The following SAMMSON variants were observed in gnomAD, a reference collection of about 807,000 sequenced individuals.
The protein encoded by SAMMSON is survival associated mitochondrial melanoma specific oncogenic non-coding RNA.
rs572530663 is a variant in SAMMSON, at chr3:70,423,731, T to C, written n.234-38829T>C. 2.6e-5 allele frequency among the ~76,000 whole-genome samples: 4 copies of C among 152,268 alleles called. No individual in the cohort carries two copies. The East Asian group carries it at 7.7e-4, about 29-fold the overall frequency. On this transcript the variant is annotated intron_variant and non_coding_transcript_variant, in intron 2 of 3. Transcript: ENST00000641053. ...GTAGGACTTCTTGGAACTCTGTATGTTTGGGGGTTAGGAAGAACAGAATGG... is the reference window on the plus strand; with the variant it reads ...GTAGGACTTCTTGGAACTCTGTATGCTTGGGGGTTAGGAAGAACAGAATGG...
rs1398205731 is a variant in SAMMSON, at chr3:70,004,237, C to T, written n.22+4370C>T. Among the ~76,000 whole-genome samples, 5 of 152,028 alleles carry T rather than the reference C, an allele frequency of 3.3e-5. No individual in the cohort carries two copies. The East Asian group carries it at 9.6e-4, about 29-fold the overall frequency. On this transcript the variant is annotated intron_variant and non_coding_transcript_variant, in intron 1 of 9. Transcript: ENST00000642114. Reference sequence around the variant, plus strand: ...AGTTAGTAAGTTAGTAAGTTGCCCACATAGAGTGGGCAGACATTTTGTTAA... The same window carrying T: ...AGTTAGTAAGTTAGTAAGTTGCCCATATAGAGTGGGCAGACATTTTGTTAA...
At chr3:70,139,554 T>C (rs905989952) in intron 4 of SAMMSON, among the ~76,000 whole-genome samples, 4 of 152,074 alleles carry the variant, frequency 2.6e-5, no homozygotes, top group Non-Finnish European at 4.4e-5. Context: ...ATTTAAAATC[T>C]AGGTGGAGGC....
rs544560457 is a variant in SAMMSON at position 70,176,959 on chromosome 3, G to A, written n.508-72148G>A. Among the ~76,000 whole-genome samples, 19 of 152,200 alleles carry A rather than the reference G, an allele frequency of 1.2e-4. 1 individual carries two copies. In the South Asian group the frequency reaches 3.5e-3, roughly 28 times the overall value. ...CAGGTATCTAGAATTCTTCACACAG[G>A]AATTTTATTAAAGGTCTATGAGATG... On this transcript the variant is annotated intron_variant and non_coding_transcript_variant, in intron 4 of 9. Transcript: ENST00000642114.
chr3:70,031,729 G>A (rs1234609773), intron 3 of SAMMSON, among the ~76,000 whole-genome samples: 3 of 152,118 alleles, frequency 2.0e-5, no homozygotes, highest in African/African-American at 7.2e-5. Context: ...GTGGGATTTG[G>A]TTAGCTTTTC....
At chr3:70,363,586 A>G (rs2106741383) in intron 9 of SAMMSON, among the ~76,000 whole-genome samples, 1 of 152,172 alleles carries the variant, frequency 6.6e-6, no homozygotes, top group South Asian at 2.1e-4. Context: ...TTAAAATAGA[A>G]GAGGACTATG....
At chr3:70,310,902 C>G (rs1456811154) in intron 7 of SAMMSON, among the ~76,000 whole-genome samples, 1 of 152,116 alleles carries the variant, frequency 6.6e-6, no homozygotes, top group East Asian at 1.9e-4. Flanking sequence ...AGCTTTGGCA[C>G]TTTCCAATTT....
intron 4 of SAMMSON, among the ~76,000 whole-genome samples, chr3:70,098,989 G>T (rs1432784724): frequency 6.6e-6 from 1 of 152,024 alleles, no homozygotes; most frequent in Non-Finnish European, 1.5e-5. Flanking sequence ...TCTGCAACTA[G>T]TTTTTTCTCT....
chr3:70,018,226 G>T (rs998914327), intron 3 of SAMMSON, among the ~76,000 whole-genome samples: 1 of 151,960 alleles, frequency 6.6e-6, no homozygotes, highest in South Asian at 2.1e-4. Context: ...GACTTTTTTT[G>T]TTGGTAAACT....
intron 4 of SAMMSON, among the ~76,000 whole-genome samples, chr3:70,088,195 C>T (rs951349637): frequency 5.3e-5 from 8 of 152,180 alleles, no homozygotes; most frequent in African/African-American, 1.9e-4. Context: ...CTTTTCTTTT[C>T]TAATGCTTCC....
intron 7 of SAMMSON, among the ~76,000 whole-genome samples, chr3:70,324,128 C>G (rs1179087183): frequency 6.6e-6 from 1 of 152,028 alleles, no homozygotes; most frequent in African/African-American, 2.4e-5. Flanking sequence ...AAGTTCAAAT[C>G]CCTGTAACAG....
chr3:70,102,374 GT>G (rs1257080757), intron 4 of SAMMSON, among the ~76,000 whole-genome samples: 1 of 152,140 alleles, frequency 6.6e-6, no homozygotes, highest in African/African-American at 2.4e-5. Flanking sequence ...TCAAAAAACT[GT>G]TTTAACTGTG....
At chr3:70,147,573 C>T (rs1370922353) in intron 4 of SAMMSON, among the ~76,000 whole-genome samples, 2 of 151,902 alleles carry the variant, frequency 1.3e-5, no homozygotes, top group Non-Finnish European at 2.9e-5. Flanking sequence ...GTCTTTTCAA[C>T]AAATAGTCTT....
intron 4 of SAMMSON, among the ~76,000 whole-genome samples, chr3:70,215,352 A>C (rs143157191): frequency 1.2e-4 from 19 of 152,146 alleles, no homozygotes; most frequent in African/African-American, 4.3e-4. Context: ...GAAACGAAGC[A>C]CTCTGATATG....
chr3:70,126,496 G>T, intron 4 of SAMMSON: 1 of 631,780 alleles, frequency 1.6e-6, no homozygotes, highest in Non-Finnish European at 2.9e-6. Context: ...TCTCCTCAGC[G>T]GTCAGCTCAG....
chr3:70,061,629 C>T (rs1195146675), intron 3 of SAMMSON, among the ~76,000 whole-genome samples: 1 of 152,072 alleles, frequency 6.6e-6, no homozygotes, highest in Non-Finnish European at 1.5e-5. Flanking sequence ...TGTCACCTGG[C>T]CAGCCCACCT....
intron 3 of SAMMSON, among the ~76,000 whole-genome samples, chr3:70,035,282 C>T (rs1163256636): frequency 2.0e-5 from 3 of 152,138 alleles, no homozygotes; most frequent in African/African-American, 7.2e-5. Context: ...TTCTTGAAGT[C>T]AGTAACAGCA....
At chr3:70,413,770 A>G (rs982551366) in intron 2 of SAMMSON, among the ~76,000 whole-genome samples, 1 of 152,158 alleles carries the variant, frequency 6.6e-6, no homozygotes, top group African/African-American at 2.4e-5. Context: ...ATAGGCATTC[A>G]TTAAAATATG....
rs533855396 is a variant in SAMMSON at position 70,020,167 on chromosome 3, C to T, written n.417+6495C>T. Among the ~76,000 whole-genome samples, 10 of 152,210 alleles carry T rather than the reference C, an allele frequency of 6.6e-5. No individual in the cohort carries two copies. In the South Asian group the frequency reaches 1.9e-3, roughly 28 times the overall value. On this transcript the variant is annotated intron_variant and non_coding_transcript_variant, in intron 3 of 9. Coordinates refer to ENST00000642114, the Ensembl canonical transcript of SAMMSON. ...TGCAATTATGTGATTAGCCAAATCC[C>T]CACGTCAATTTTGCAGAAAAGAGTA...
intron 9 of SAMMSON, among the ~76,000 whole-genome samples, chr3:70,360,615 AG>A (rs1368043534): frequency 6.6e-6 from 1 of 152,182 alleles, no homozygotes; most frequent in Non-Finnish European, 1.5e-5. Flanking sequence ...ATCTGAAGGC[AG>A]ACTAGGATGG....
Sources: allele counts gnomAD v4.1 joint callset (sites outside exome capture counted in the v4.1 genomes callset), GRCh38; gene constraint gnomAD v4.1.1; transcripts MANE v1.5; gene names NCBI Gene and HGNC (gene_info 2026-07-23, HGNC 2026-07-21).